Variants in SRSF3 observed in about 807,000 individuals in gnomAD.
The protein encoded by SRSF3 is serine/arginine-rich splicing factor 3.
For synonymous variants in SRSF3, 87 were observed against 73.6 expected, an observed-to-expected ratio of 1.18 and a Z score of -0.93; for missense variants, 58 against 217.1, an observed-to-expected ratio of 0.27 and a Z score of 4.61.
chr6:36,601,930 G>GTT (rs748993569), intron 5 of SRSF3, 32 bp from the exon 6 acceptor site: 1 of 1,473,558 alleles, frequency 6.8e-7, no homozygotes, highest in Middle Eastern at 2.5e-4. Flanking sequence ...CAGATGTAAT[G>GTT]TTTTGTTTTC....
Position 36,602,981 on chromosome 6 carries a change from A to G in SRSF3, c.*992A>G, listed in dbSNP as rs2127507111. The G allele has an allele frequency of 9.1e-6, 2 of 218,834 alleles. No individual in the cohort carries two copies. The highest frequency in any genetic ancestry group is 1.3e-4 in the East Asian group (2 of 14,816). 13.6% of individuals were successfully genotyped at this position (218,834 alleles called of 1,614,324 possible). A position where few individuals can be genotyped will look rare whatever the true frequency, so the allele number is the denominator to read the frequency against. On this transcript the variant is annotated 3_prime_UTR_variant, in exon 6 of 6. Coordinates refer to ENST00000373715, the MANE Select transcript of SRSF3 (RefSeq NM_003017.5). ...TATCCCATGGGAAGCAGTTGGTTAC[A>G]CGATTCTTATTTTATAAGAAACAGC...
At chr6:36,599,024 GA>G (rs766761937) in intron 3 of SRSF3, 41 bp downstream of exon 3, 1 of 1,605,180 alleles carries the variant, frequency 6.2e-7, no homozygotes, top group Admixed American at 1.7e-5. Flanking sequence ...TGGTGTAATG[GA>G]GTAGCTAGTA....
In SRSF3 at chr6:36,602,228, C is replaced by A. The variant is rs1006221782; in HGVS notation, c.*239C>A. On this transcript the variant is annotated 3_prime_UTR_variant, in exon 6 of 6. Coordinates refer to ENST00000373715, the MANE Select transcript of SRSF3 (RefSeq NM_003017.5). ...TGTTACTTTACAATGTTCCCTTAAG[C>A]AAAATTGAATTTGCTTTGAACTTTT... 4.7e-5 allele frequency: 35 copies of A among 745,684 alleles called. No homozygotes were observed. Among genetic ancestry groups the A allele is most frequent in the Non-Finnish European group, 6.4e-5 (33 of 514,382 alleles). 46.2% of individuals were successfully genotyped at this position (745,684 alleles called of 1,614,324 possible). A position where few individuals can be genotyped will look rare whatever the true frequency, so the allele number is the denominator to read the frequency against.
rs959347536 is a variant in SRSF3, at chr6:36,602,987, C to G, written c.*998C>G. The G allele has an allele frequency of 2.3e-5, 5 of 217,574 alleles. No individual in the cohort carries two copies. Among genetic ancestry groups the G allele is most frequent in the Non-Finnish European group, 4.6e-5 (5 of 108,212 alleles). 13.5% of individuals were successfully genotyped at this position (217,574 alleles called of 1,614,324 possible). The stretch of plus-strand genomic sequence containing the variant: ...ATGGGAAGCAGTTGGTTACACGATT[C>G]TTATTTTATAAGAAACAGCTGAGAG... On this transcript the variant is annotated 3_prime_UTR_variant, in exon 6 of 6. Coordinates refer to ENST00000373715, the MANE Select transcript of SRSF3 (RefSeq NM_003017.5).
rs1778776354 is a variant in SRSF3 at position 36,604,300 on chromosome 6, T to G, written c.*2311T>G. On this transcript the variant is annotated 3_prime_UTR_variant, in exon 6 of 6. Coordinates refer to ENST00000373715, the MANE Select transcript of SRSF3 (RefSeq NM_003017.5). ...ATGTAAAGAAACATTAAGGATTATA[T>G]TTGATTGTTTTCAAAGACACTGGCT... The G allele has an allele frequency of 4.7e-6, 1 of 213,576 alleles. No individual in the cohort carries two copies. The allele number at this position is 213,576 out of a possible 1,614,324, so 13.2% of individuals were successfully genotyped here. A position where few individuals can be genotyped will look rare whatever the true frequency, so the allele number is the denominator to read the frequency against.
Position 36,601,584 on chromosome 6 carries a change from G to T in SRSF3, c.381-124G>T, listed in dbSNP as rs1316584135. ...TTCTCAAACTCTTGGCTTCAAGTGA[G>T]CCTCCTGCCTCTGCCTCCCAAAATA... On this transcript the variant is annotated intron_variant, in intron 4 of 5. Transcript: ENST00000373715. 9.2e-6 allele frequency: 8 copies of T among 865,890 alleles called. No homozygotes were observed. The Middle Eastern group carries it at 1.1e-3, about 121-fold the overall frequency. The allele number at this position is 865,890 out of a possible 1,614,324, so 53.6% of individuals were successfully genotyped here.
intron 2 of SRSF3, chr6:36,598,597 T>TA (rs1778669577): frequency 2.6e-6 from 1 of 388,164 alleles, no homozygotes. Context: ...TTGGCCAAGA[T>TA]AGTGTCGAAC....
At chr6:36,594,859 C>T (rs951186267) in intron 1 of SRSF3, 5 of 151,742 alleles carry the variant, frequency 3.3e-5, no homozygotes, top group Non-Finnish European at 5.9e-5. Flanking sequence ...CAAGACCGGA[C>T]CTTTCAGTTC....
At chr6:36,599,600 T>C in intron 3 of SRSF3, 3 of 341,958 alleles carry the variant, frequency 8.8e-6, no homozygotes, top group Non-Finnish European at 5.8e-6. Context: ...CCAAAATAGT[T>C]TCTATAGGAC....
At position 36,595,422 on chromosome 6, in the gene SRSF3, CT is replaced by C. The variant is rs1562011195; in HGVS notation, c.-3+943del. ...TATATTCAGTGTTGTGTAATCATCA[CT>C]TACACGTAGTTCCAAAACATTTCCG... On this transcript the variant is annotated intron_variant, in intron 1 of 5. Transcript: ENST00000373715. 2.6e-5 allele frequency among the ~76,000 whole-genome samples: 4 copies of C among 152,172 alleles called. No homozygotes were observed. In the South Asian group the frequency reaches 6.2e-4, roughly 24 times the overall value.
Position 36,602,681 on chromosome 6 carries a change from C to T in SRSF3, c.*692C>T, listed in dbSNP as rs1051225631. On this transcript the variant is annotated 3_prime_UTR_variant, in exon 6 of 6. Coordinates refer to ENST00000373715, the MANE Select transcript of SRSF3 (RefSeq NM_003017.5). ...CCAGTTTAAGGGTACATTGTAGAGC[C>T]GAACTTTGAGTTACTGTGCAAGATT... 9 of 211,838 alleles carry T rather than the reference C, an allele frequency of 4.2e-5. No homozygotes were observed. Among genetic ancestry groups the T allele is most frequent in the East Asian group, 7.1e-5 (1 of 14,114 alleles). 13.1% of individuals were successfully genotyped at this position (211,838 alleles called of 1,614,324 possible).
chr6:36,599,223 T>G (rs1314400279), intron 3 of SRSF3, among the ~76,000 whole-genome samples: 1 of 152,234 alleles, frequency 6.6e-6, no homozygotes, highest in Non-Finnish European at 1.5e-5. Context: ...CTAGTTCATC[T>G]TTCTAGTTGC....
In SRSF3 at chr6:36,604,261, A is replaced by G. The variant is rs1778775543; in HGVS notation, c.*2272A>G. On this transcript the variant is annotated 3_prime_UTR_variant, in exon 6 of 6. Transcript: ENST00000373715. ...GTGTTCACTAGAAGTCACTGTTACTAATACTTGATGACAATGTAAAGAAAC... is the reference window on the plus strand; with the variant it reads ...GTGTTCACTAGAAGTCACTGTTACTGATACTTGATGACAATGTAAAGAAAC... 1 of 216,380 alleles carries G rather than the reference A, an allele frequency of 4.6e-6. No individual in the cohort carries two copies. Among genetic ancestry groups the G allele is most frequent in the Non-Finnish European group, 9.3e-6 (1 of 107,332 alleles). 13.4% of individuals were successfully genotyped at this position (216,380 alleles called of 1,614,324 possible). A position where few individuals can be genotyped will look rare whatever the true frequency, so the allele number is the denominator to read the frequency against.
Position 36,600,176 on chromosome 6 carries a change from A to G in SRSF3, c.342-976A>G. 3 of 1,070,430 alleles carry G rather than the reference A, an allele frequency of 2.8e-6. No individual in the cohort carries two copies. In the South Asian group the frequency reaches 8.4e-5, roughly 30 times the overall value. 66.3% of individuals were successfully genotyped at this position (1,070,430 alleles called of 1,614,324 possible). A position where few individuals can be genotyped will look rare whatever the true frequency, so the allele number is the denominator to read the frequency against. On this transcript the variant is annotated intron_variant, in intron 3 of 5. Coordinates refer to ENST00000373715, the MANE Select transcript of SRSF3 (RefSeq NM_003017.5). Reference sequence around the variant, plus strand: ...AACACCCCCTTCGCCAACCAACTAAATCCAACGCAACATCTGGCAAAACCT... The same window carrying G: ...AACACCCCCTTCGCCAACCAACTAAGTCCAACGCAACATCTGGCAAAACCT...
Position 36,602,394 on chromosome 6 carries a change from A to G in SRSF3, c.*405A>G, listed in dbSNP as rs1037709265. The G allele has an allele frequency of 4.2e-5, 10 of 238,440 alleles. No individual in the cohort carries two copies. The highest frequency in any genetic ancestry group is 1.3e-4 in the African/African-American group (6 of 45,490). 14.8% of individuals were successfully genotyped at this position (238,440 alleles called of 1,614,324 possible). On this transcript the variant is annotated 3_prime_UTR_variant, in exon 6 of 6. Coordinates refer to ENST00000373715, the MANE Select transcript of SRSF3 (RefSeq NM_003017.5). ...CATAGCTGGGATATAGGCTGCAGCT[A>G]TAGTTGAACAAGCAGTCTTTAAAAA...
intron 2 of SRSF3, chr6:36,598,600 T>C (rs994380267): frequency 5.0e-6 from 2 of 397,368 alleles, no homozygotes; most frequent in South Asian, 3.3e-5. Context: ...GCCAAGATAG[T>C]GTCGAACTCT....
intron 1 of SRSF3, among the ~76,000 whole-genome samples, chr6:36,595,226 A>G (rs1156439030): frequency 1.3e-5 from 2 of 152,226 alleles, no homozygotes; most frequent in South Asian, 4.1e-4. Context: ...AAACTGGTCT[A>G]CAAGTTTATC....
chr6:36,596,975 T>G lies in SRSF3; in HGVS notation c.206+7T>G. ...TCCGAGAGCTAGATGGAAGGTGATT[T>G]AATGATTACGCTGATAAAAATGTGT... is the stretch of plus-strand genomic sequence containing the variant. On this transcript the variant is annotated splice_region_variant and intron_variant, in intron 2 of 5. Transcript: ENST00000373715. 1 of 1,613,236 alleles carries G rather than the reference T, an allele frequency of 6.2e-7. No individual in the cohort carries two copies.
In SRSF3 at chr6:36,597,723, A is replaced by G. The variant is rs56871426; in HGVS notation, c.206+755A>G. On this transcript the variant is annotated intron_variant, in intron 2 of 5. Coordinates refer to ENST00000373715, the MANE Select transcript of SRSF3 (RefSeq NM_003017.5). ...GTTGTAGTAAAGTTTTCCAGGGCCCACCTCTTCCCAGTCACTCTTCAAATA... is the reference window on the plus strand; with the variant it reads ...GTTGTAGTAAAGTTTTCCAGGGCCCGCCTCTTCCCAGTCACTCTTCAAATA... Among the ~76,000 whole-genome samples the G allele has an allele frequency of 5.0e-3, 755 of 150,830 alleles. 5 individuals carry two copies. The highest frequency in any genetic ancestry group is 0.017 in the African/African-American group (703 of 40,970).
Sources: gnomAD v4.1 joint callset for allele counts (sites outside exome capture counted in the v4.1 genomes callset) on GRCh38, gnomAD v4.1.1 for gene constraint, MANE v1.5 for transcripts, NCBI Gene and HGNC (gene_info 2026-07-23, HGNC 2026-07-21) for gene names.